The following ACCSL variants were observed in gnomAD, a reference collection of about 807,000 sequenced individuals.
The protein encoded by ACCSL is 1-aminocyclopropane-1-carboxylate synthase homolog (inactive) like.
In ACCSL, 55 loss-of-function variants were observed where a neutral mutation model predicts 61.7. The ratio of observed to expected loss-of-function variants is 0.89; its 90% CI spans 0.72 to 1.12. The LOEUF is 1.12. Among genes scored for constraint, ACCSL ranks in the 50% most tolerant of loss-of-function variants. The probability of loss-of-function intolerance (pLI) is 0.00; values close to 1 mark genes in which losing one functional copy is unlikely to be tolerated. For missense variants in ACCSL, 632 were observed against 698.0 expected (o/e 0.91, Z 1.07); for synonymous variants, 258 against 264.3 (o/e 0.98, Z 0.23).
the ACCSL span, among the ~76,000 whole-genome samples, chr11:43,933,577 A>T: frequency 1.3e-5 from 2 of 152,238 alleles, no homozygotes; most frequent in Non-Finnish European, 2.9e-5. Context: ...AGCCATGTAA[A>T]GATTCTCAGA....
At chr11:43,992,343 G>A in the ACCSL span, among the ~76,000 whole-genome samples, 17 of 152,060 alleles carry the variant, frequency 1.1e-4, no homozygotes, top group Admixed American at 1.0e-3. Context: ...CACCGCGCCC[G>A]GCCCTCCCCC....
the ACCSL span, among the ~76,000 whole-genome samples, chr11:43,929,247 G>T: frequency 3.5e-4 from 53 of 152,130 alleles, no homozygotes; most frequent in Non-Finnish European, 5.9e-5. Context: ...TTGAGACAGG[G>T]TCTTCCTTTG....
chr11:43,942,538 G>A, the ACCSL span: 1 of 257,168 alleles, frequency 3.9e-6, no homozygotes, highest in Non-Finnish European at 7.8e-6. Context: ...GGAAGGGCGC[G>A]GGGCGCGCAC....
chr11:43,981,721 A>G, the ACCSL span, among the ~76,000 whole-genome samples: 1 of 152,170 alleles, frequency 6.6e-6, no homozygotes, highest in Non-Finnish European at 1.5e-5. Context: ...CCCTTTGCTC[A>G]GAAGCCTCCT....
At chr11:43,946,391 C>G in the ACCSL span, among the ~76,000 whole-genome samples, 1 of 152,312 alleles carries the variant, frequency 6.6e-6, no homozygotes, top group African/African-American at 2.4e-5. Context: ...AGCCACCATG[C>G]CTGGCCCTGG....
At chr11:44,053,591 G>C (rs1206395197) in intron 8 of ACCSL, 85 bp downstream of exon 8, 4 of 1,265,896 alleles carry the variant, frequency 3.2e-6, no homozygotes, top group Non-Finnish European at 4.6e-6. Flanking sequence ...AGCCAGATCT[G>C]GTGGCACATG....
rs781590490 is a variant in ACCSL at position 44,048,535 on chromosome 11, A to G, written c.499A>G (p.Thr167Ala). The change falls in exon 1 of 14, where the codon ACC becomes GCC. Residue 167 changes from threonine (T) to alanine (A), a missense_variant. Transcript: ENST00000378832. ...AGATAAATATCATAAGGACAAGAAC[A>G]CCTTGGTGAGAATTTGGGGTGGGGG... ...QKDKYHKDKN[T>A]LGFINLGTSE... The G allele has an allele frequency of 2.1e-6, 2 of 950,960 alleles. No homozygotes were observed. Among genetic ancestry groups the G allele is most frequent in the Non-Finnish European group, 2.7e-6 (2 of 742,458 alleles). 58.9% of individuals were successfully genotyped at this position (950,960 alleles called of 1,614,324 possible). A position where few individuals can be genotyped will look rare whatever the true frequency, so the allele number is the denominator to read the frequency against.
rs66464203 is a variant in ACCSL, at chr11:44,050,840, C to CTT, written c.635+236_635+237dup. On this transcript the variant is annotated intron_variant, in intron 3 of 13. Transcript: ENST00000378832. ...AGGAATAATTCAAAAGGCCTGAGTT[C>CTT]TTTTTTTTTTTTTTTTTTTGAGATG... Among the ~76,000 whole-genome samples the CTT allele has an allele frequency of 2.2e-3, 284 of 126,762 alleles. 7 individuals are homozygous for CTT. Among genetic ancestry groups the CTT allele is most frequent in the African/African-American group, 7.5e-3 (250 of 33,242 alleles). 83.2% of individuals were successfully genotyped at this position (126,762 alleles called of 152,430 possible). A position where few individuals can be genotyped will look rare whatever the true frequency, so the allele number is the denominator to read the frequency against.
the ACCSL span, chr11:43,942,899 G>T: frequency 1.5e-6 from 2 of 1,363,162 alleles, no homozygotes; most frequent in Non-Finnish European, 1.9e-6. Context: ...AGACGCCGGA[G>T]GCGCCATGGC....
At chr11:44,020,309 G>A in the ACCSL span, among the ~76,000 whole-genome samples, 3 of 151,768 alleles carry the variant, frequency 2.0e-5, no homozygotes, top group Non-Finnish European at 2.9e-5. Flanking sequence ...TCCACAGCCT[G>A]GATGCCTTTT....
chr11:44,039,041 C>T, the ACCSL span, among the ~76,000 whole-genome samples: 5 of 151,918 alleles, frequency 3.3e-5, no homozygotes, highest in African/African-American at 1.2e-4. Context: ...TTTGATGCTC[C>T]CAGGGTCTAA....
chr11:43,955,576 C>T, the ACCSL span, among the ~76,000 whole-genome samples: 15 of 152,172 alleles, frequency 9.9e-5, no homozygotes, highest in African/African-American at 3.6e-4. Context: ...GGGTGGGCCA[C>T]GGAGTCTACT....
At chr11:43,992,054 C>CTTTTTT in the ACCSL span, among the ~76,000 whole-genome samples, 5 of 114,154 alleles carry the variant, frequency 4.4e-5, no homozygotes, top group East Asian at 2.5e-4. Flanking sequence ...TTCTTTCTTT[C>CTTTTTT]TTTTTTTTTT....
chr11:43,993,597 C>T, the ACCSL span, among the ~76,000 whole-genome samples: 1 of 152,206 alleles, frequency 6.6e-6, no homozygotes, highest in East Asian at 1.9e-4. Flanking sequence ...CCCAACACTT[C>T]CAGCCATTGG....
the ACCSL span, among the ~76,000 whole-genome samples, chr11:43,977,939 C>A: frequency 6.6e-6 from 1 of 151,888 alleles, no homozygotes; most frequent in Non-Finnish European, 1.5e-5. Flanking sequence ...TAATGGACAA[C>A]CAACAAGTGA....
chr11:44,019,768 A>ATATATTTT, the ACCSL span, among the ~76,000 whole-genome samples: 4 of 152,228 alleles, frequency 2.6e-5, no homozygotes, highest in East Asian at 7.7e-4. Flanking sequence ...TTCAATTTAA[A>ATATATTTT]TATATTTTTC....
At chr11:43,986,769 T>C in the ACCSL span, among the ~76,000 whole-genome samples, 4 of 152,186 alleles carry the variant, frequency 2.6e-5, no homozygotes, top group East Asian at 7.7e-4. Context: ...ACTGGGATAA[T>C]CCTTTATTTG....
chr11:43,982,585 G>A, the ACCSL span, among the ~76,000 whole-genome samples: 17,388 of 152,040 alleles, frequency 0.11, 1,306 homozygotes, highest in East Asian at 0.28. Context: ...TGTGTGAACC[G>A]CCCGCATGGG....
chr11:43,988,133 C>G, the ACCSL span, among the ~76,000 whole-genome samples: 1 of 152,124 alleles, frequency 6.6e-6, no homozygotes, highest in Non-Finnish European at 1.5e-5. Flanking sequence ...AAAGTCTCCT[C>G]TCTGCTTTTA....
Sources: allele counts gnomAD v4.1 joint callset (sites outside exome capture counted in the v4.1 genomes callset), GRCh38; gene constraint gnomAD v4.1.1; transcripts MANE v1.5; gene names NCBI Gene and HGNC (gene_info 2026-07-23, HGNC 2026-07-21).